Variants in TTN observed in about 807,000 individuals in gnomAD.
TTN encodes the protein connectin.
In TTN, 1,525 loss-of-function variants were observed where a neutral mutation model predicts 3,223.0. The observed-to-expected ratio is 0.47, with a 90% CI of 0.45 to 0.49. The LOEUF (loss-of-function observed/expected upper bound fraction) is 0.49, where lower values mean the gene tolerates loss of function less well. TTN is among the 20% of genes least tolerant of loss of function. The pLI is 0.00. For synonymous variants in TTN, 14,094 were observed against 15,161.0 expected (o/e 0.93, Z 5.17); for missense variants, 40,786 against 43,424.0 (o/e 0.94, Z 5.40).
Position 178,696,093 on chromosome 2 carries a change from C to T in TTN, c.30979G>A (p.Glu10327Lys). The T allele has an allele frequency of 6.4e-7, 1 of 1,551,276 alleles. No homozygotes were observed. Among genetic ancestry groups the T allele is most frequent in the Non-Finnish European group, 8.7e-7 (1 of 1,146,732 alleles). Residue 10327 changes from glutamate to lysine, a missense_variant, in exon 114 of 363, where the codon GAA becomes AAA. By Grantham distance (56) the Glu-to-Lys change is moderately conservative (BLOSUM62 1). Transcript: ENST00000589042. ...TGTTCAAATGGCTCTGTGTATGGTT[C>T]TACCTCCAGTTCGTCATAAGGTTCT... is the stretch of plus-strand genomic sequence containing the variant. ...FEEPYDELEV[E>K]PYTEPFEQPY...
At position 178,664,754 on chromosome 2, in the gene TTN, G is replaced by A. The variant is rs762927607; in HGVS notation, c.36119-17C>T. 1.2e-6 allele frequency: 2 copies of A among 1,611,758 alleles called. No homozygotes were observed. The highest frequency in any genetic ancestry group is 1.3e-5 in the African/African-American group (1 of 74,840). On this transcript the variant is annotated splice_polypyrimidine_tract_variant and intron_variant, in intron 166 of 362. Transcript: ENST00000589042. ...CTTCAGGCACTTTAAGAAATTAGTA[G>A]TTTTATGTTTAGTGTTATGCAGATA... is the stretch of plus-strand genomic sequence containing the variant.
chr2:178,702,100 TC>T, intron 108 of TTN, 34 bp from the exon 109 acceptor site: 1 of 1,613,136 alleles, frequency 6.2e-7, no homozygotes, highest in Non-Finnish European at 8.5e-7. Flanking sequence ...ATTTTTGTGT[TC>T]AGAATGGTAT....
In TTN at chr2:178,564,273, C is replaced by T. The variant is rs1704823668; in HGVS notation, c.81859G>A (p.Val27287Ile). The change falls in exon 326 of 363, where the codon GTT (valine) becomes ATT (isoleucine). Residue 27287 changes from valine (V) to isoleucine (I), a missense_variant. By Grantham distance (29) the Val-to-Ile change is conservative. Coordinates refer to ENST00000589042, the MANE Select transcript of TTN (RefSeq NM_001267550.2). ...AGAACAAAAGTCTCTCCTGCATGAA[C>T]AACGATGACATCTTTATATTTTGGA... ...LDPKYKDVIVVHAGETFVLEA... is the reference protein window; with the variant it reads ...LDPKYKDVIVIHAGETFVLEA... The T allele has an allele frequency of 1.9e-6, 3 of 1,613,222 alleles. No homozygotes were observed. The African/African-American group carries it at 4.0e-5, about 22-fold the overall frequency.
Position 178,557,478 on chromosome 2 carries a change from C to T in TTN, c.87784G>A (p.Val29262Met). Residue 29262 changes from valine (V) to methionine (M), a missense_variant, in exon 329 of 363, where the codon GTG (valine) becomes ATG (methionine). Transcript: ENST00000589042. The stretch of plus-strand genomic sequence containing the variant: ...ACGACTGCACTGCCTCCATTTGACA[C>T]TGGTTCATGCCAGCCCACAGTGATG... ...ESITVGWHEP[V>M]SNGGSAVVGY... 6.2e-7 allele frequency: 1 copy of T among 1,613,932 alleles called. No homozygotes were observed. Among genetic ancestry groups the T allele is most frequent in the Non-Finnish European group, 8.5e-7 (1 of 1,179,862 alleles).
Position 178,793,494 on chromosome 2 carries a change from G to A in TTN, c.1446C>T (p.Ala482=), listed in dbSNP as rs183258737. Residue 482 remains alanine (A), a synonymous_variant, in exon 9 of 363, where the codon GCC becomes GCT. Transcript: ENST00000589042. ...EKTAVTKVVV[A]ADKAKEQELK... is the part of the protein sequence containing the mutation. ...ATTCTTGTTCCTTGGCTTTATCGGCGGCCACTACTACCTTAGTTACAGCAG... is the reference window on the plus strand; with the variant it reads ...ATTCTTGTTCCTTGGCTTTATCGGCAGCCACTACTACCTTAGTTACAGCAG... 1.5e-5 allele frequency: 24 copies of A among 1,613,934 alleles called. No homozygotes were observed. Among genetic ancestry groups the A allele is most frequent in the Non-Finnish European group, 1.7e-5 (20 of 1,179,996 alleles).
At position 178,740,908 on chromosome 2, in the gene TTN, A is replaced by G. The variant is rs2082371399; in HGVS notation, c.12325T>C (p.Leu4109=). 1.2e-6 allele frequency: 2 copies of G among 1,613,802 alleles called. No homozygotes were observed. Among genetic ancestry groups the G allele is most frequent in the African/African-American group, 1.3e-5 (1 of 74,936 alleles). ...KANELSSQLP[L]GAQELQSILE... ...ATGGATTGCAATTCCTGAGCTCCCAAAGGAAGCTGACTGCTCAATTCATTG... is the reference window on the plus strand; with the variant it reads ...ATGGATTGCAATTCCTGAGCTCCCAGAGGAAGCTGACTGCTCAATTCATTG... Residue 4109 remains leucine (L), a synonymous_variant, in exon 48 of 363, where the codon TTG becomes CTG. Coordinates refer to ENST00000589042, the MANE Select transcript of TTN (RefSeq NM_001267550.2).
chr2:178,640,011 A>T, intron 222 of TTN, 37 bp downstream of exon 222: 1 of 1,605,060 alleles, frequency 6.2e-7, no homozygotes, highest in Non-Finnish European at 8.5e-7. Context: ...GAATACAGAA[A>T]GAATATGCTG....
rs1248393743 is a variant in TTN, at chr2:178,741,261, T to C, written c.11972A>G (p.Asn3991Ser). The C allele has an allele frequency of 3.1e-6, 5 of 1,613,616 alleles. No individual in the cohort carries two copies. The highest frequency in any genetic ancestry group is 4.2e-6 in the Non-Finnish European group (5 of 1,179,818). Residue 3991 changes from asparagine (N) to serine (S), a missense_variant, in exon 48 of 363, where the codon AAT becomes AGT. By Grantham distance (46) the Asn-to-Ser change is conservative. Coordinates refer to ENST00000589042, the MANE Select transcript of TTN (RefSeq NM_001267550.2). Reference protein sequence around the residue: ...SVYYTIIHNPNGSGTFIVNDP... With the variant: ...SVYYTIIHNPSGSGTFIVNDP... Reference sequence around the variant, plus strand: ...ATTGACAATGAAAGTTCCAGAGCCATTAGGGTTATGAATGATAGTGTAATA... The same window carrying C: ...ATTGACAATGAAAGTTCCAGAGCCACTAGGGTTATGAATGATAGTGTAATA...
Position 178,545,955 on chromosome 2 carries a change from C to CTA in TTN, c.95280_95281insTA (p.Glu31761Ter). The stretch of plus-strand genomic sequence containing the variant: ...ACGACATAGGATAGGGTTGGGCATT[C>CTA]GCCTTCAACAATCACCCAGTTGAGC... On this transcript the variant is annotated frameshift_variant, in exon 343 of 363. Transcript: ENST00000589042. LOFTEE classifies it high-confidence loss of function. The CTA allele has an allele frequency of 6.2e-7, 1 of 1,613,842 alleles. No homozygotes were observed. Among genetic ancestry groups the CTA allele is most frequent in the Non-Finnish European group, 8.5e-7 (1 of 1,179,798 alleles).
rs768657135 is a variant in TTN, at chr2:178,664,445, CA to C, written c.36280+14del. 1.9e-6 allele frequency: 3 copies of C among 1,591,988 alleles called. No homozygotes were observed. Among genetic ancestry groups the C allele is most frequent in the East Asian group, 4.5e-5 (2 of 44,804 alleles). On this transcript the variant is annotated intron_variant, in intron 168 of 362. Transcript: ENST00000589042. ...CACCCACTATCCCACCATAAAAAGA[CA>C]GTTAAGAATGTACCTTTGACAGGTA...
chr2:178,704,483 G>C, intron 105 of TTN, 27 bp downstream of exon 105: 5 of 1,598,398 alleles, frequency 3.1e-6, no homozygotes, highest in South Asian at 1.1e-5. Flanking sequence ...AATCTCACAA[G>C]TATTTCATAA....
rs148477271 is a variant in TTN, at chr2:178,538,111, T to C, written c.99290-194A>G. The C allele has an allele frequency of 7.0e-3, 4,172 of 596,904 alleles. 24 individuals carry two copies. The highest frequency in any genetic ancestry group is 0.014 in the Admixed American group (434 of 30,936). 37.0% of individuals were successfully genotyped at this position (596,904 alleles called of 1,614,324 possible). A position where few individuals can be genotyped will look rare whatever the true frequency, so the allele number is the denominator to read the frequency against. On this transcript the variant is annotated intron_variant, in intron 354 of 362. Coordinates refer to ENST00000589042, the MANE Select transcript of TTN (RefSeq NM_001267550.2). ...AAATAGGGATTCAATGAGCACATCG[T>C]CACATTTTATGTAGAGTGTTTTTTT...
At chr2:178,630,459 CAAAT>C in intron 238 of TTN, 92 bp from the exon 239 acceptor site, 1 of 1,412,500 alleles carries the variant, frequency 7.1e-7, no homozygotes, top group Non-Finnish European at 9.5e-7. Context: ...AGGAATGCAA[CAAAT>C]AAATGGTGAT....
At chr2:178,682,205 T>C (rs1307189876) in intron 135 of TTN, among the ~76,000 whole-genome samples, 1 of 151,988 alleles carries the variant, frequency 6.6e-6, no homozygotes, top group East Asian at 1.9e-4. Context: ...ACACAACAGC[T>C]TGTGTTAGCT....
At chr2:178,550,408 A>G in intron 336 of TTN, 135 bp from the exon 337 acceptor site, 1 of 692,010 alleles carries the variant, frequency 1.4e-6, no homozygotes, top group South Asian at 2.5e-5. Flanking sequence ...GCCTATTTTG[A>G]AAGTAGGATT....
chr2:178,793,471 T>G lies in TTN; in HGVS notation c.1469A>C (p.Glu490Ala). ...VVAADKAKEQ[E>A]LKSRTKEVIT... ...TACTTCTTTGGTTCTTGATTTTAAT[T>G]CTTGTTCCTTGGCTTTATCGGCGGC... is the stretch of plus-strand genomic sequence containing the variant. Residue 490 changes from glutamate (E) to alanine (A), a missense_variant, in exon 9 of 363, where the codon GAA (glutamate) becomes GCA (alanine). Glu to Ala is a moderately radical substitution (Grantham distance 107). Transcript: ENST00000589042. 2 of 1,614,162 alleles carry G rather than the reference T, an allele frequency of 1.2e-6. No individual in the cohort carries two copies. Among genetic ancestry groups the G allele is most frequent in the Non-Finnish European group, 1.7e-6 (2 of 1,180,010 alleles).
At position 178,620,860 on chromosome 2, in the gene TTN, A is replaced by G; in HGVS notation, c.45750T>C (p.Ser15250=). The G allele has an allele frequency of 6.2e-7, 1 of 1,612,628 alleles. No homozygotes were observed. Among genetic ancestry groups the G allele is most frequent in the Non-Finnish European group, 8.5e-7 (1 of 1,179,148 alleles). ...CTTTTTGGAGAATGATGTATTTTGA[A>G]CTATCAAATATAGCTTCTTCATTTC... ...WFRNEEAIFD[S]SKYIILQKDL... The change falls in exon 247 of 363, where the codon AGT becomes AGC. Residue 15250 remains serine, a synonymous_variant. Coordinates refer to ENST00000589042, the MANE Select transcript of TTN (RefSeq NM_001267550.2).
In TTN at chr2:178,609,917, T is replaced by A. The variant is rs1167283297; in HGVS notation, c.51506A>T (p.Lys17169Met). ...GCTCCCTCCATCATACAAAGGTGGC[T>A]TCCATGTAATAGTCATTGCCTCCGC... ...PTAEAMTITWKPPLYDGGSKI... is the reference protein window; with the variant it reads ...PTAEAMTITWMPPLYDGGSKI... Residue 17169 changes from lysine (K) to methionine (M), a missense_variant, in exon 272 of 363, where the codon AAG becomes ATG. Transcript: ENST00000589042. 2 of 1,612,930 alleles carry A rather than the reference T, an allele frequency of 1.2e-6. No homozygotes were observed. Among genetic ancestry groups the A allele is most frequent in the Non-Finnish European group, 1.7e-6 (2 of 1,179,312 alleles).
At position 178,689,186 on chromosome 2, in the gene TTN, C is replaced by T. The variant is rs750509356; in HGVS notation, c.32012-50G>A. 7 of 1,587,398 alleles carry T rather than the reference C, an allele frequency of 4.4e-6. No homozygotes were observed. In the South Asian group the frequency reaches 5.8e-5, roughly 13 times the overall value. The stretch of plus-strand genomic sequence containing the variant: ...GAAATTTAATGTGATCTCATTGAAG[C>T]CCAGTGCAAAACAAAGAAATACACC... On this transcript the variant is annotated intron_variant, in intron 124 of 362. Transcript: ENST00000589042.
Sources: gnomAD v4.1 joint callset for allele counts (sites outside exome capture counted in the v4.1 genomes callset) on GRCh38, gnomAD v4.1.1 for gene constraint, MANE v1.5 for transcripts, NCBI Gene and HGNC (gene_info 2026-07-23, HGNC 2026-07-21) for gene names.